LRP1B: variants seen among roughly 807,000 people sequenced by gnomAD.
The protein encoded by LRP1B is LDL receptor related protein 1B.
Under a neutral mutation model 556.6 loss-of-function variants are expected in LRP1B, and 217 were observed. The ratio of observed to expected loss-of-function variants is 0.39; its 90% CI spans 0.35 to 0.44. LRP1B has a LOEUF of 0.44. Ranked by LOEUF, LRP1B falls within the 20% of genes least tolerant of loss-of-function variation. LRP1B has a pLI of 1.00. For missense variants in LRP1B, 5,053 were observed against 5,620.8 expected (o/e 0.90, Z 3.23); for synonymous variants, 2,047 against 1,865.8 (o/e 1.10, Z -2.50).
chr2:141,728,077 A>G (rs556354394), intron 2 of LRP1B, among the ~76,000 whole-genome samples: 2 of 152,236 alleles, frequency 1.3e-5, no homozygotes, highest in African/African-American at 4.8e-5. Flanking sequence ...AGTATTTTTC[A>G]TGAGGTGTAA....
At chr2:141,081,380 G>A (rs1050491831) in intron 7 of LRP1B, among the ~76,000 whole-genome samples, 1 of 152,130 alleles carries the variant, frequency 6.6e-6, no homozygotes, top group Non-Finnish European at 1.5e-5. Context: ...GCCTAAGAAT[G>A]AGGTTGAATG....
chr2:140,540,835 T>C (rs1433908969), intron 45 of LRP1B, 138 bp downstream of exon 45: 1 of 986,494 alleles, frequency 1.0e-6, no homozygotes, highest in African/African-American at 1.7e-5. Context: ...CGGTTTTCTT[T>C]AGAGCAGAGA....
intron 2 of LRP1B, among the ~76,000 whole-genome samples, chr2:141,775,527 T>C (rs1443857855): frequency 6.6e-6 from 1 of 152,140 alleles, no homozygotes; most frequent in East Asian, 1.9e-4. Context: ...TAAAGAAATA[T>C]TTAACACTCC....
At chr2:141,514,215 C>CA (rs1429570755) in intron 2 of LRP1B, among the ~76,000 whole-genome samples, 5 of 152,140 alleles carry the variant, frequency 3.3e-5, no homozygotes, top group African/African-American at 9.7e-5. Flanking sequence ...CCTGTGACCC[C>CA]ATAGAGCTGG....
At chr2:141,722,088 T>G (rs182669551) in intron 2 of LRP1B, among the ~76,000 whole-genome samples, 1 of 152,252 alleles carries the variant, frequency 6.6e-6, no homozygotes, top group East Asian at 1.9e-4. Flanking sequence ...TCTTTAAAAA[T>G]GGTCTGAGGG....
At position 140,354,458 on chromosome 2, in the gene LRP1B, G is replaced by A. The variant is rs17477639; in HGVS notation, c.11531-1386C>T. Among the ~76,000 whole-genome samples, 29 of 151,982 alleles carry A rather than the reference G, an allele frequency of 1.9e-4. 1 individual carries two copies. The highest frequency in any genetic ancestry group is 1.2e-3 in the Admixed American group (18 of 15,222). ...AAAGAGATGCAGAAAAGTGTATTTC[G>A]TTGTTTTTAATAAATATTTTACAGG... On this transcript the variant is annotated intron_variant, in intron 75 of 90. Coordinates refer to ENST00000389484, the MANE Select transcript of LRP1B (RefSeq NM_018557.3).
intron 21 of LRP1B, among the ~76,000 whole-genome samples, chr2:140,917,710 G>A: frequency 6.6e-6 from 1 of 152,068 alleles, no homozygotes; most frequent in East Asian, 1.9e-4. Context: ...AACAGGCAGG[G>A]TACGAAAGAT....
At chr2:140,363,998 C>T (rs1047904477) in intron 72 of LRP1B, among the ~76,000 whole-genome samples, 1 of 151,492 alleles carries the variant, frequency 6.6e-6, no homozygotes, top group African/African-American at 2.4e-5. Context: ...AAAATAGATC[C>T]TTTATGTTGC....
chr2:140,363,941 CAG>C (rs1682636045), intron 72 of LRP1B, among the ~76,000 whole-genome samples: 1 of 151,528 alleles, frequency 6.6e-6, no homozygotes, highest in Admixed American at 6.6e-5. Flanking sequence ...GCATTTCTTG[CAG>C]AGATTAGATA....
At position 141,855,390 on chromosome 2, in the gene LRP1B, G is replaced by C. The variant is rs1414417321; in HGVS notation, c.83-44989C>G. 2.6e-5 allele frequency among the ~76,000 whole-genome samples: 4 copies of C among 152,212 alleles called. No individual in the cohort carries two copies. In the East Asian group the frequency reaches 5.8e-4, roughly 22 times the overall value. ...TCTGCTTGGCATAAGACAAGAAGGA[G>C]AGCTGAGTACTCTGAAGTGTAATCT... On this transcript the variant is annotated intron_variant, in intron 1 of 90. Transcript: ENST00000389484.
chr2:141,918,541 T>C (rs1237491949), intron 1 of LRP1B, among the ~76,000 whole-genome samples: 1 of 152,064 alleles, frequency 6.6e-6, no homozygotes, highest in African/African-American at 2.4e-5. Flanking sequence ...TATGAGGGCA[T>C]ACTCTTTTAA....
At chr2:142,124,191 C>T (rs1707559066) in intron 1 of LRP1B, among the ~76,000 whole-genome samples, 1 of 151,812 alleles carries the variant, frequency 6.6e-6, no homozygotes, top group African/African-American at 2.4e-5. Context: ...TTCTTCCTCC[C>T]ACCCTCCCCC....
At chr2:140,835,316 C>T (rs949774672) in intron 31 of LRP1B, among the ~76,000 whole-genome samples, 2 of 152,182 alleles carry the variant, frequency 1.3e-5, no homozygotes, top group Admixed American at 1.3e-4. Context: ...AACTAAACGT[C>T]TGACATTATT....
chr2:141,521,265 A>T (rs1046935634), intron 2 of LRP1B, among the ~76,000 whole-genome samples: 13 of 152,098 alleles, frequency 8.5e-5, no homozygotes, highest in African/African-American at 3.1e-4. Flanking sequence ...GGCTTTCAGA[A>T]ATCTCAAATT....
In LRP1B at chr2:140,502,988, A is replaced by T; in HGVS notation, c.8637T>A (p.Pro2879=). 2 of 1,613,314 alleles carry T rather than the reference A, an allele frequency of 1.2e-6. No individual in the cohort carries two copies. The highest frequency in any genetic ancestry group is 1.7e-6 in the Non-Finnish European group (2 of 1,179,348). The change falls in exon 54 of 91, where the codon CCT becomes CCA. Residue 2879 remains proline (P), a synonymous_variant. Transcript: ENST00000389484. Reference sequence around the variant, plus strand: ...CTGCACTTTTACACTTTGGGTTTAAAGGTGCTTCATCAGAATGGTCAGGAC... The same window carrying T: ...CTGCACTTTTACACTTTGGGTTTAATGGTGCTTCATCAGAATGGTCAGGAC... ...FDCPDHSDEA[P]LNPKCKSAEQ... is the part of the protein sequence containing the mutation.
rs1689504800 is a variant in LRP1B at position 141,378,104 on chromosome 2, A to T, written c.343+102292T>A. On this transcript the variant is annotated intron_variant, in intron 3 of 90. Coordinates refer to ENST00000389484, the MANE Select transcript of LRP1B (RefSeq NM_018557.3). ...AGCTGCACTATAACAAACAGCTACA[A>T]GCCATAGCAAGCAACAAAAGAAAAC... Among the ~76,000 whole-genome samples, 4 of 152,210 alleles carry T rather than the reference A, an allele frequency of 2.6e-5. No individual in the cohort carries two copies. The South Asian group carries it at 8.3e-4, about 32-fold the overall frequency.
At chr2:141,440,251 T>C (rs1163650028) in intron 3 of LRP1B, among the ~76,000 whole-genome samples, 1 of 152,166 alleles carries the variant, frequency 6.6e-6, no homozygotes, top group Non-Finnish European at 1.5e-5. Context: ...TCCAGGGACT[T>C]AAACGTTTTC....
intron 7 of LRP1B, among the ~76,000 whole-genome samples, chr2:141,153,617 A>G (rs1701994096): frequency 7.2e-6 from 1 of 138,720 alleles, no homozygotes; most frequent in Non-Finnish European, 1.5e-5. Flanking sequence ...ATAATATATT[A>G]TATATCAGCT....
At position 141,455,707 on chromosome 2, in the gene LRP1B, C is replaced by T. The variant is rs554069770; in HGVS notation, c.343+24689G>A. Among the ~76,000 whole-genome samples, 43 of 152,232 alleles carry T rather than the reference C, an allele frequency of 2.8e-4. 1 individual carries two copies. In the South Asian group the frequency reaches 8.3e-3, roughly 29 times the overall value. ...GTTTTGTGGAATAAATGAACAAATA[C>T]ATTAATAACTTTTATGAGTAATTAT... On this transcript the variant is annotated intron_variant, in intron 3 of 90. Transcript: ENST00000389484.
Sources: allele counts gnomAD v4.1 joint callset (sites outside exome capture counted in the v4.1 genomes callset), GRCh38; gene constraint gnomAD v4.1.1; transcripts MANE v1.5; gene names NCBI Gene and HGNC (gene_info 2026-07-23, HGNC 2026-07-21).